MOG: variants seen among roughly 807,000 people sequenced by gnomAD.
MOG encodes the protein myelin-oligodendrocyte glycoprotein.
A neutral mutation model predicts 35.9 loss-of-function variants in MOG; 20 were observed. That is an observed-to-expected ratio of 0.56 (90% CI 0.39 to 0.81). The LOEUF (loss-of-function observed/expected upper bound fraction) is 0.81. Among genes scored for constraint, MOG ranks in the 30% least tolerant of loss-of-function variants. The probability of loss-of-function intolerance (pLI) is 0.00; values close to 1 mark genes in which losing one functional copy is unlikely to be tolerated. For synonymous variants in MOG, 92 were observed against 114.3 expected, an observed-to-expected ratio of 0.80 and a Z score of 1.25; for missense variants, 251 against 301.0, an observed-to-expected ratio of 0.83 and a Z score of 1.23.
intron 5 of MOG, among the ~76,000 whole-genome samples, chr6:29,669,132 G>C (rs1355854972): frequency 6.6e-6 from 1 of 152,088 alleles, no homozygotes; most frequent in Non-Finnish European, 1.5e-5. Context: ...GGTTGGCCAG[G>C]CTGGCCTCGA....
chr6:29,663,765 C>T (rs775442934), intron 2 of MOG, among the ~76,000 whole-genome samples: 3 of 152,116 alleles, frequency 2.0e-5, no homozygotes, highest in Non-Finnish European at 4.4e-5. Context: ...AGTACATACT[C>T]GCTAAATCAC....
rs1768924445 is a variant in MOG at position 29,662,081 on chromosome 6, TTCTC to T, written c.436+2417_436+2420del. The T allele has an allele frequency of 1.7e-5, 17 of 985,428 alleles. No individual in the cohort carries two copies. Among genetic ancestry groups the T allele is most frequent in the Non-Finnish European group, 2.0e-5 (17 of 829,904 alleles). 61.0% of individuals were successfully genotyped at this position (985,428 alleles called of 1,614,324 possible). On this transcript the variant is annotated intron_variant, in intron 2 of 7. Coordinates refer to ENST00000376917, the MANE Select transcript of MOG (RefSeq NM_206809.4). This position sits in a 1 kb window ranked among gnomAD's most constrained non-coding sequence, Gnocchi z 4.2. Reference sequence around the variant, plus strand: ...TCTCAGGTGTAACTACCTCTGCTCTTTCTCTGAAGAGTTTCTAATTTCTCTTGTT... The same window carrying T: ...TCTCAGGTGTAACTACCTCTGCTCTTTGAAGAGTTTCTAATTTCTCTTGTT...
chr6:29,661,197 T>C, intron 2 of MOG: 1 of 200,008 alleles, frequency 5.0e-6, no homozygotes, highest in Non-Finnish European at 8.9e-6. Flanking sequence ...TGCCTTTTCC[T>C]CCTCCCCACC....
At chr6:29,657,478 G>C (rs1395230602) in intron 1 of MOG, among the ~76,000 whole-genome samples, 181 bp downstream of exon 1, 1 of 151,518 alleles carries the variant, frequency 6.6e-6, no homozygotes. Flanking sequence ...CTTCAAGATG[G>C]AGTCCAGACT....
chr6:29,664,015 A>G (rs763451152), intron 2 of MOG: 1 of 471,392 alleles, frequency 2.1e-6, no homozygotes, highest in Non-Finnish European at 2.8e-6. Context: ...CAGCTGCAGC[A>G]TGGCACATGG....
intron 3 of MOG, among the ~76,000 whole-genome samples, chr6:29,666,860 T>C (rs115091531): frequency 0.029 from 4,382 of 152,214 alleles, 95 homozygotes; most frequent in African/African-American, 0.049. Context: ...AGGAAGAGTC[T>C]TCACTCCTCC....
chr6:29,657,628 C>T (rs572563669), intron 1 of MOG, among the ~76,000 whole-genome samples: 5 of 150,792 alleles, frequency 3.3e-5, no homozygotes, highest in South Asian at 2.1e-4. Context: ...AGACTACAGG[C>T]GCCTGCCACC....
chr6:29,661,680 C>T (rs1411425636), intron 2 of MOG: 6 of 803,186 alleles, frequency 7.5e-6, no homozygotes, highest in Non-Finnish European at 9.0e-6. Flanking sequence ...ATTAGCCTGG[C>T]GTGGTGGCGC....
At chr6:29,661,411 G>T (rs902892675) in intron 2 of MOG, 2 of 985,176 alleles carry the variant, frequency 2.0e-6, no homozygotes, top group Non-Finnish European at 2.4e-6. Flanking sequence ...TCTACTTGCC[G>T]AAAAGTTTGA....
Position 29,671,731 on chromosome 6 carries a change from G to T in MOG, c.*546G>T. The T allele has an allele frequency of 1.9e-6, 1 of 538,736 alleles. No individual in the cohort carries two copies. The highest frequency in any genetic ancestry group is 3.3e-6 in the Non-Finnish European group (1 of 302,848). The allele number at this position is 538,736 out of a possible 1,614,324, so 33.4% of individuals were successfully genotyped here. ...AGCCCCAACCCAAACCTGGAGATGG[G>T]GAGAAACCTACAGAATACTAGCCAG... On this transcript the variant is annotated 3_prime_UTR_variant, in exon 8 of 8. Transcript: ENST00000376917.
chr6:29,661,219 C>T, intron 2 of MOG: 1 of 265,652 alleles, frequency 3.8e-6, no homozygotes, highest in Non-Finnish European at 5.8e-6. Context: ...GCAGTGCAAA[C>T]ATCAGACAAT....
chr6:29,663,261 A>G (rs1163302235), intron 2 of MOG, among the ~76,000 whole-genome samples: 1 of 128,720 alleles, frequency 7.8e-6, no homozygotes, highest in Non-Finnish European at 1.7e-5. Context: ...CAACAGAGTG[A>G]GACTCAAAAA....
chr6:29,669,434 G>T (rs1770972244), intron 5 of MOG, among the ~76,000 whole-genome samples: 7 of 151,344 alleles, frequency 4.6e-5, no homozygotes, highest in Admixed American at 4.6e-4. Context: ...GGAACTACAG[G>T]CGCATGCCAC....
Position 29,670,400 on chromosome 6 carries a change from G to A in MOG, c.709+3G>A. On this transcript the variant is annotated splice_donor_region_variant and intron_variant, in intron 6 of 7. Transcript: ENST00000376917. This position sits in a 1 kb window ranked among gnomAD's most constrained non-coding sequence, Gnocchi z 4.2. ...CTGGCTACATCGAAGACTAGCAGGTGCAGTGGCTGGGCAGCAGGCAAGACC... is the reference window on the plus strand; with the variant it reads ...CTGGCTACATCGAAGACTAGCAGGTACAGTGGCTGGGCAGCAGGCAAGACC... 1 of 1,613,800 alleles carries A rather than the reference G, an allele frequency of 6.2e-7. No individual in the cohort carries two copies. Among genetic ancestry groups the A allele is most frequent in the Non-Finnish European group, 8.5e-7 (1 of 1,179,794 alleles).
At position 29,662,298 on chromosome 6, in the gene MOG, A is replaced by G. The variant is rs1188259096; in HGVS notation, c.436+2632A>G. ...CAGGAGTTCGAGACCAGCCTGATCA[A>G]CATGGAGAAACCCCGTCTCTACTAA... On this transcript the variant is annotated intron_variant, in intron 2 of 7. Transcript: ENST00000376917. The surrounding 1 kb of genome is among the most constrained non-coding windows in gnomAD (Gnocchi z 4.2). 3.8e-5 allele frequency: 14 copies of G among 372,922 alleles called. No individual in the cohort carries two copies. Among genetic ancestry groups the G allele is most frequent in the Non-Finnish European group, 4.4e-5 (12 of 270,618 alleles). The allele number at this position is 372,922 out of a possible 1,614,324, so 23.1% of individuals were successfully genotyped here.
intron 1 of MOG, 128 bp from the exon 2 acceptor site, chr6:29,659,191 C>G (rs1767907591): frequency 1.3e-6 from 1 of 794,840 alleles, no homozygotes; most frequent in African/African-American, 1.7e-5. Context: ...TCCTCCCTGG[C>G]TCTAGAATGT....
chr6:29,667,991 G>C, intron 5 of MOG, 67 bp downstream of exon 5: 1 of 1,498,662 alleles, frequency 6.7e-7, no homozygotes, highest in Non-Finnish European at 9.3e-7. Flanking sequence ...CAGTCACCTG[G>C]GGGAACAAGG....
Position 29,662,107 on chromosome 6 carries a change from T to G in MOG, c.436+2441T>G. 1.0e-6 allele frequency: 1 copy of G among 985,226 alleles called. No individual in the cohort carries two copies. The highest frequency in any genetic ancestry group is 1.2e-6 in the Non-Finnish European group (1 of 829,744). The allele number at this position is 985,226 out of a possible 1,614,324, so 61.0% of individuals were successfully genotyped here. A position where few individuals can be genotyped will look rare whatever the true frequency, so the allele number is the denominator to read the frequency against. ...TCTCTGAAGAGTTTCTAATTTCTCT[T>G]GTTTACTTATTTTTTTCTTGTCATT... On this transcript the variant is annotated intron_variant, in intron 2 of 7. Transcript: ENST00000376917. This position sits in a 1 kb window ranked among gnomAD's most constrained non-coding sequence, Gnocchi z 4.2.
In MOG at chr6:29,657,218, C is replaced by T. The variant is rs1411009982; in HGVS notation, c.9C>T (p.Ser3=). The change falls in exon 1 of 8, where the codon AGC becomes AGT. Residue 3 remains serine, a synonymous_variant. Transcript: ENST00000376917. The part of the protein sequence containing the change: MA[S]LSRPSLPSCL... ...CCCCAGGAACAGTAGAGATGGCAAG[C>T]TTATCAAGACCCTCTCTGCCCAGCT... is the stretch of plus-strand genomic sequence containing the variant. 2 of 1,610,478 alleles carry T rather than the reference C, an allele frequency of 1.2e-6. No individual in the cohort carries two copies. The highest frequency in any genetic ancestry group is 1.7e-5 in the Admixed American group (1 of 59,900).
Sources: gnomAD v4.1 joint callset for allele counts (sites outside exome capture counted in the v4.1 genomes callset) on GRCh38, gnomAD v4.1.1 for gene constraint, Gnocchi (gnomAD v3.1) non-coding constraint, MANE v1.5 for transcripts, NCBI Gene and HGNC (gene_info 2026-07-23, HGNC 2026-07-21) for gene names.